Variants in TUBGCP2 observed in about 807,000 individuals in gnomAD.
The protein encoded by TUBGCP2 is tubulin gamma complex component 2.
TUBGCP2 carries 55 observed loss-of-function variants against 92.2 expected under a neutral mutation model. That is an observed-to-expected ratio of 0.60 (90% CI 0.48 to 0.75). The LOEUF (loss-of-function observed/expected upper bound fraction) is 0.75, where lower values mean the gene tolerates loss of function less well. Ranked by LOEUF, TUBGCP2 falls within the 30% of genes least tolerant of loss-of-function variation. TUBGCP2 has a pLI of 0.00. For missense variants in TUBGCP2, 1,093 were observed against 1,188.9 expected, an observed-to-expected ratio of 0.92 and a Z score of 1.19; for synonymous variants, 533 against 505.2, an observed-to-expected ratio of 1.06 and a Z score of -0.74.
Position 133,297,967 on chromosome 10 carries a change from T to C in TUBGCP2, c.601A>G (p.Thr201Ala), listed in dbSNP as rs1020159330. Residue 201 changes from threonine to alanine, a missense_variant, in exon 5 of 18, where the codon ACC (threonine) becomes GCC (alanine). Transcript: ENST00000252936. ...FLIGAGISTD[T>A]ALPIGTLPLA... is the part of the protein sequence containing the mutation. ...CATCACGTACCTATCGGCAAAGCGG[T>C]GTCTGTGCTGATGCCAGCACCAATC... 96 of 1,613,292 alleles carry C rather than the reference T, an allele frequency of 6.0e-5. No homozygotes were observed. Among genetic ancestry groups the C allele is most frequent in the Non-Finnish European group, 7.7e-5 (91 of 1,179,794 alleles).
chr10:133,309,335 G>A (rs758178859), upstream of TUBGCP2: 14 of 1,578,420 alleles, frequency 8.9e-6, no homozygotes, highest in African/African-American at 1.4e-5. Flanking sequence ...GAGGCCTGAC[G>A]CGGTGGGCGT....
intron 1 of TUBGCP2, among the ~76,000 whole-genome samples, chr10:133,304,156 C>G (rs996975181): frequency 1.3e-5 from 2 of 152,184 alleles, no homozygotes; most frequent in Non-Finnish European, 2.9e-5. Context: ...CACAGTGAGA[C>G]TCTGTCTCTA....
intron 14 of TUBGCP2, 152 bp from the exon 15 acceptor site, chr10:133,283,373 C>T: frequency 8.8e-7 from 1 of 1,142,642 alleles, no homozygotes; most frequent in Admixed American, 2.7e-5. Flanking sequence ...AACTTCCAAA[C>T]ACCACTAAAA....
upstream of TUBGCP2, chr10:133,310,511 C>G: frequency 1.7e-6 from 1 of 582,600 alleles, no homozygotes; most frequent in Non-Finnish European, 3.0e-6. Context: ...CTGCCCAGCT[C>G]TGTGCCGGTG....
upstream of TUBGCP2, chr10:133,309,599 G>A: frequency 6.3e-6 from 8 of 1,272,282 alleles, no homozygotes; most frequent in Non-Finnish European, 8.8e-6. Context: ...CAGCTTTGGC[G>A]TGGCCGACTC....
intron 10 of TUBGCP2, 30 bp downstream of exon 10, chr10:133,288,810 T>TGCCC (rs1847200156): frequency 1.3e-6 from 2 of 1,563,152 alleles, no homozygotes; most frequent in South Asian, 2.3e-5. Context: ...GGGAGGTGAG[T>TGCCC]GCCCGCACAG....
At chr10:133,296,989 G>A (rs993352310) in intron 5 of TUBGCP2, among the ~76,000 whole-genome samples, 2 of 152,230 alleles carry the variant, frequency 1.3e-5, no homozygotes, top group African/African-American at 4.8e-5. Flanking sequence ...TTGCAGAGCC[G>A]TGAGTAGTGG....
chr10:133,299,692 C>T (rs557825902), intron 3 of TUBGCP2, 89 bp from the exon 4 acceptor site: 15 of 1,183,664 alleles, frequency 1.3e-5, no homozygotes, highest in Non-Finnish European at 1.8e-5. Context: ...CAGGACGGCT[C>T]CCCAACCCTG....
At chr10:133,310,059 G>A (rs1468042123), upstream of TUBGCP2, 7 of 1,609,058 alleles carry the variant, frequency 4.4e-6, no homozygotes, top group African/African-American at 1.3e-5. Flanking sequence ...TCGGGTGCTC[G>A]GGCAAGGCCG....
chr10:133,296,947 C>T (rs959694504), intron 5 of TUBGCP2, among the ~76,000 whole-genome samples: 2 of 152,190 alleles, frequency 1.3e-5, no homozygotes, highest in Non-Finnish European at 2.9e-5. Flanking sequence ...GGGTTTCCGG[C>T]AAAGGCAAGG....
At chr10:133,294,102 G>GT (rs1847433574) in intron 5 of TUBGCP2, among the ~76,000 whole-genome samples, 1 of 152,268 alleles carries the variant, frequency 6.6e-6, no homozygotes, top group Non-Finnish European at 1.5e-5. Flanking sequence ...TTCAACATTG[G>GT]TAAGTACAAC....
chr10:133,299,916 C>G, intron 3 of TUBGCP2, 69 bp downstream of exon 3: 1 of 1,580,756 alleles, frequency 6.3e-7, no homozygotes, highest in Non-Finnish European at 8.6e-7. Flanking sequence ...GTGGAGTGAG[C>G]AGGAGACGCG....
chr10:133,302,506 T>TGGC (rs1847693878), intron 2 of TUBGCP2: 1 of 273,884 alleles, frequency 3.7e-6, no homozygotes, highest in African/African-American at 4.2e-5. Flanking sequence ...CCAGGGGCGG[T>TGGC]GCTCATCATG....
chr10:133,303,041 T>C, intron 1 of TUBGCP2, 61 bp from the exon 2 acceptor site: 1 of 1,487,996 alleles, frequency 6.7e-7, no homozygotes, highest in Non-Finnish European at 9.2e-7. Flanking sequence ...AACATTTTTT[T>C]AAACACTCAA....
At chr10:133,305,465 C>A (rs754339381) in intron 1 of TUBGCP2, among the ~76,000 whole-genome samples, 1 of 152,106 alleles carries the variant, frequency 6.6e-6, no homozygotes, top group African/African-American at 2.4e-5. Flanking sequence ...CCGGTCTCTG[C>A]GTCTTGGTGG....
chr10:133,292,924 C>T (rs371140780), intron 7 of TUBGCP2, 115 bp downstream of exon 7: 42 of 1,261,690 alleles, frequency 3.3e-5, no homozygotes, highest in East Asian at 1.8e-4. Flanking sequence ...TTTGGCCACA[C>T]GCCCCTGCCC....
In TUBGCP2 at chr10:133,283,213, G is replaced by A. The variant is rs1277137658; in HGVS notation, c.2154C>T (p.Asn718=). The part of the protein sequence containing the change: ...ILEKNLKSAS[N]IDDVLGHHTG... Reference sequence around the variant, plus strand: ...TGTGGTGGCCAAGGACGTCGTCAATGTTGGAGGCCTGCGGGGAACAGGCCA... The same window carrying A: ...TGTGGTGGCCAAGGACGTCGTCAATATTGGAGGCCTGCGGGGAACAGGCCA... The change falls in exon 15 of 18, where the codon AAC becomes AAT. Residue 718 remains asparagine (N), a synonymous_variant. Coordinates refer to ENST00000252936, the MANE Select transcript of TUBGCP2 (RefSeq NM_006659.4). The A allele has an allele frequency of 6.2e-7, 1 of 1,614,242 alleles. No homozygotes were observed. Among genetic ancestry groups the A allele is most frequent in the Non-Finnish European group, 8.5e-7 (1 of 1,180,044 alleles).
intron 5 of TUBGCP2, among the ~76,000 whole-genome samples, chr10:133,294,760 C>T (rs1025492923): frequency 6.6e-6 from 1 of 152,198 alleles, no homozygotes; most frequent in Non-Finnish European, 1.5e-5. Context: ...GGACCACTGG[C>T]ACGTGCCACC....
upstream of TUBGCP2, chr10:133,310,153 C>T (rs200313469): frequency 8.7e-6 from 14 of 1,613,722 alleles, no homozygotes; most frequent in Middle Eastern, 1.7e-4. Flanking sequence ...GTGACACGGT[C>T]TCCATTTCAG....
Sources: gnomAD v4.1 joint callset for allele counts (sites outside exome capture counted in the v4.1 genomes callset) on GRCh38, gnomAD v4.1.1 for gene constraint, MANE v1.5 for transcripts, NCBI Gene and HGNC (gene_info 2026-07-23, HGNC 2026-07-21) for gene names.